Variants in RBM20 observed in about 807,000 individuals in gnomAD.
RBM20 encodes RNA-binding protein 20.
Under a neutral mutation model 110.1 loss-of-function variants are expected in RBM20, and 51 were observed. The ratio of observed to expected loss-of-function variants is 0.46; its 90% CI spans 0.37 to 0.59. The LOEUF is 0.59. Among genes scored for constraint, RBM20 ranks in the 20% least tolerant of loss-of-function variants. The pLI is 0.00. For synonymous variants in RBM20, 589 were observed against 618.2 expected, an observed-to-expected ratio of 0.95 and a Z score of 0.70; for missense variants, 1,512 against 1,574.9, an observed-to-expected ratio of 0.96 and a Z score of 0.68.
chr10:110,672,691 A>T (rs1030110772), intron 1 of RBM20, among the ~76,000 whole-genome samples: 1 of 152,186 alleles, frequency 6.6e-6, no homozygotes, highest in Non-Finnish European at 1.5e-5. Flanking sequence ...TTTCTCCTGG[A>T]GTGGGAAGGC....
intron 1 of RBM20, among the ~76,000 whole-genome samples, chr10:110,669,613 G>A (rs959704056): frequency 2.6e-5 from 4 of 152,278 alleles, no homozygotes; most frequent in Admixed American, 6.5e-5. Context: ...ATGGAGATAC[G>A]GTCTTGCTGT....
chr10:110,749,012 A>T (rs1443539123), intron 1 of RBM20, among the ~76,000 whole-genome samples: 1 of 152,264 alleles, frequency 6.6e-6, no homozygotes, highest in Non-Finnish European at 1.5e-5. Context: ...GGGAAGATGT[A>T]ATCTGAGAAC....
intron 1 of RBM20, chr10:110,756,869 C>T (rs1590657594): frequency 6.6e-6 from 1 of 152,242 alleles, no homozygotes; most frequent in South Asian, 2.1e-4. Context: ...CTTGCCAATT[C>T]TCTCAAAATT....
intron 1 of RBM20, among the ~76,000 whole-genome samples, chr10:110,748,612 T>C (rs1472581595): frequency 6.6e-6 from 1 of 152,120 alleles, no homozygotes; most frequent in African/African-American, 2.4e-5. Context: ...AGTGAAAAAC[T>C]GGGTTCTCGT....
rs540082686 is a variant in RBM20 at position 110,701,932 on chromosome 10, G to C, written c.191+57287G>C. ...TCAGAGAGGGAGAGTGCCAGACAAG[G>C]TGCATTCCTCTGGGGATAGAGCAGC... is the stretch of plus-strand genomic sequence containing the variant. On this transcript the variant is annotated intron_variant, in intron 1 of 13. Transcript: ENST00000369519. Among the ~76,000 whole-genome samples the C allele has an allele frequency of 9.8e-5, 15 of 152,338 alleles. No homozygotes were observed. The South Asian group carries it at 2.9e-3, about 29-fold the overall frequency.
At chr10:110,772,413 C>T (rs1844205429) in intron 1 of RBM20, among the ~76,000 whole-genome samples, 1 of 152,192 alleles carries the variant, frequency 6.6e-6, no homozygotes, top group Admixed American at 6.5e-5. Flanking sequence ...TCGCGGGTCG[C>T]ATAATGATGT....
intron 1 of RBM20, among the ~76,000 whole-genome samples, chr10:110,772,377 A>G (rs531802637): frequency 1.3e-5 from 2 of 152,388 alleles, no homozygotes; most frequent in East Asian, 3.9e-4. Context: ...CCTGCAACAC[A>G]TGCCTCTGAA....
intron 1 of RBM20, among the ~76,000 whole-genome samples, chr10:110,756,032 C>T (rs977543727): frequency 6.6e-6 from 1 of 152,224 alleles, no homozygotes; most frequent in African/African-American, 2.4e-5. Context: ...CTCCAACGTG[C>T]ATCTGTGACA....
chr10:110,794,826 T>G (rs564071856), intron 5 of RBM20, among the ~76,000 whole-genome samples: 1 of 152,374 alleles, frequency 6.6e-6, no homozygotes, highest in East Asian at 1.9e-4. Context: ...GCATGAATGC[T>G]TCTCTTCTTT....
chr10:110,759,157 G>A (rs1235082624), intron 1 of RBM20, among the ~76,000 whole-genome samples: 3 of 152,186 alleles, frequency 2.0e-5, no homozygotes, highest in Admixed American at 6.5e-5. Flanking sequence ...CCTTTTCGGC[G>A]CTGAGCTTGT....
intron 6 of RBM20, 58 bp from the exon 7 acceptor site, chr10:110,799,729 A>C (rs113893184): frequency 6.6e-7 from 1 of 1,504,382 alleles, no homozygotes; most frequent in African/African-American, 1.4e-5. Context: ...CCTTGTGCTG[A>C]ATCTTGTTTA....
At chr10:110,792,174 TC>T (rs1475633928) in intron 5 of RBM20, among the ~76,000 whole-genome samples, 1 of 151,980 alleles carries the variant, frequency 6.6e-6, no homozygotes, top group Non-Finnish European at 1.5e-5. Context: ...TATCTATCTA[TC>T]TATCTATCTA....
At chr10:110,731,481 C>T (rs1843620733) in intron 1 of RBM20, among the ~76,000 whole-genome samples, 1 of 151,990 alleles carries the variant, frequency 6.6e-6, no homozygotes, top group Admixed American at 6.5e-5. Context: ...TCACAAATTC[C>T]CTTTGCCATA....
At chr10:110,764,273 G>GCAAA (rs57543043) in intron 1 of RBM20, among the ~76,000 whole-genome samples, 13 of 151,610 alleles carry the variant, frequency 8.6e-5, no homozygotes, top group African/African-American at 2.4e-4. Context: ...AAGCAAGCAA[G>GCAAA]CAAACAAACA....
intron 1 of RBM20, among the ~76,000 whole-genome samples, chr10:110,674,469 A>G (rs1590609356): frequency 6.6e-6 from 1 of 152,180 alleles, no homozygotes; most frequent in African/African-American, 2.4e-5. Context: ...TTCCAAGCCC[A>G]TTTCCAGACG....
At chr10:110,770,190 G>C (rs1844168651) in intron 1 of RBM20, among the ~76,000 whole-genome samples, 2 of 152,200 alleles carry the variant, frequency 1.3e-5, no homozygotes, top group South Asian at 4.2e-4. Context: ...TGGTGGTGAG[G>C]GGTGGGCCCA....
chr10:110,821,921 A>T lies in RBM20; in HGVS notation c.3302A>T (p.Glu1101Val). The change falls in exon 11 of 14, where the codon GAA becomes GTA. Residue 1101 changes from glutamate (E) to valine (V), a missense_variant. Physicochemically the swap from Glu to Val is moderately radical, Grantham distance 121. This residue lies in a region of RBM20 where 358 missense variants were observed against 384.2 expected (regional missense o/e 0.93). Coordinates refer to ENST00000369519, the MANE Select transcript of RBM20 (RefSeq NM_001134363.3). ...ETDLQNQACQ[E>V]VLTPENSRYV... The stretch of plus-strand genomic sequence containing the variant: ...GACCTCCAAAACCAAGCTTGCCAAG[A>T]AGTGTTGACCCCGGGTAACTATCTC... The T allele has an allele frequency of 6.4e-7, 1 of 1,551,628 alleles. No homozygotes were observed.
At chr10:110,762,367 G>A (rs1844017679) in intron 1 of RBM20, among the ~76,000 whole-genome samples, 1 of 152,176 alleles carries the variant, frequency 6.6e-6, no homozygotes, top group Admixed American at 6.5e-5. Flanking sequence ...ACATGCCTAC[G>A]ACATTGAACT....
At chr10:110,650,506 G>A (rs1031217266) in intron 1 of RBM20, among the ~76,000 whole-genome samples, 1 of 152,150 alleles carries the variant, frequency 6.6e-6, no homozygotes, top group East Asian at 1.9e-4. Flanking sequence ...AGGCAGGGGG[G>A]TCATGCATGT....
Sources: allele counts gnomAD v4.1 joint callset (sites outside exome capture counted in the v4.1 genomes callset), GRCh38; gene constraint gnomAD v4.1.1; regional missense constraint gnomAD v4.1.1; transcripts MANE v1.5; gene names NCBI Gene and HGNC (gene_info 2026-07-23, HGNC 2026-07-21).